TLL1: variants seen among roughly 807,000 people sequenced by gnomAD.
The protein encoded by TLL1 is tolloid-like protein 1.
Under a neutral mutation model 128.2 loss-of-function variants are expected in TLL1, and 49 were observed. The ratio of observed to expected loss-of-function variants is 0.38; its 90% CI spans 0.30 to 0.48. The LOEUF (loss-of-function observed/expected upper bound fraction) is 0.48, where lower values mean the gene tolerates loss of function less well. Ranked by LOEUF, TLL1 falls within the 20% of genes least tolerant of loss-of-function variation. TLL1 has a pLI of 0.96. For synonymous variants in TLL1, 454 were observed against 418.8 expected (o/e 1.08, Z -1.03); for missense variants, 1,123 against 1,242.0 (o/e 0.90, Z 1.44).
chr4:165,946,037 G>C (rs1048982163), intron 1 of TLL1, among the ~76,000 whole-genome samples: 3 of 152,148 alleles, frequency 2.0e-5, no homozygotes, highest in African/African-American at 7.2e-5. Flanking sequence ...AGCCTGAGAA[G>C]ATCTCAACTT....
intron 1 of TLL1, among the ~76,000 whole-genome samples, chr4:165,880,594 A>G (rs1730929725): frequency 6.6e-6 from 1 of 152,184 alleles, no homozygotes; most frequent in Admixed American, 6.5e-5. Context: ...CATTCAACTC[A>G]GTGTTTAAAA....
chr4:165,926,670 G>T (rs1161084242), intron 1 of TLL1, among the ~76,000 whole-genome samples: 1 of 152,118 alleles, frequency 6.6e-6, no homozygotes, highest in Non-Finnish European at 1.5e-5. Flanking sequence ...ATTAGTGCCA[G>T]GTATCGTGTT....
chr4:166,006,648 T>C (rs541608931), intron 6 of TLL1, among the ~76,000 whole-genome samples: 7 of 151,910 alleles, frequency 4.6e-5, no homozygotes, highest in East Asian at 1.9e-4. Context: ...TTGAAGAGTA[T>C]GTTGAATATT....
At chr4:166,033,191 C>A (rs1579650742) in intron 9 of TLL1, among the ~76,000 whole-genome samples, 1 of 152,222 alleles carries the variant, frequency 6.6e-6, no homozygotes, top group Non-Finnish European at 1.5e-5. Context: ...TGTACCTGCG[C>A]TTTTGCCCAG....
intron 9 of TLL1, among the ~76,000 whole-genome samples, chr4:166,032,369 A>C (rs905783154): frequency 1.3e-5 from 2 of 152,110 alleles, no homozygotes; most frequent in Non-Finnish European, 2.9e-5. Flanking sequence ...TCTTAAAAAT[A>C]AAATAGTTGG....
At chr4:166,050,512 C>A (rs1164276518) in intron 12 of TLL1, among the ~76,000 whole-genome samples, 1 of 152,032 alleles carries the variant, frequency 6.6e-6, no homozygotes, top group Non-Finnish European at 1.5e-5. Flanking sequence ...TTTTAGGGAG[C>A]ATGGGATACC....
At chr4:166,057,490 A>G (rs1007026782) in intron 14 of TLL1, among the ~76,000 whole-genome samples, 181 bp downstream of exon 14, 1 of 152,152 alleles carries the variant, frequency 6.6e-6, no homozygotes, top group Non-Finnish European at 1.5e-5. Context: ...TTGTTATAGA[A>G]TGGGTCCTTT....
intron 6 of TLL1, among the ~76,000 whole-genome samples, chr4:166,005,334 T>G (rs563713014): frequency 1.3e-5 from 2 of 152,012 alleles, no homozygotes; most frequent in East Asian, 3.9e-4. Flanking sequence ...AAAATTGACA[T>G]AGATTTCACT....
chr4:166,000,306 G>A (rs933602060), intron 5 of TLL1, among the ~76,000 whole-genome samples: 1 of 152,110 alleles, frequency 6.6e-6, no homozygotes, highest in South Asian at 2.1e-4. Context: ...CATATATGTA[G>A]TTATTTTCTT....
rs1740949784 is a variant in TLL1, at chr4:166,074,880, A to G, written c.2191A>G (p.Lys731Glu). The G allele has an allele frequency of 6.2e-7, 1 of 1,613,396 alleles. No homozygotes were observed. The highest frequency in any genetic ancestry group is 8.5e-7 in the Non-Finnish European group (1 of 1,179,488). The part of the protein sequence containing the change: ...KGFKAHFFSD[K>E]DECSKDNGGC... ...TATGGGATTGATCTCTTTGCTAGAC[A>G]AAGATGAATGCTCTAAGGATAATGG... Residue 731 changes from lysine to glutamate, a missense_variant and splice_region_variant, in exon 17 of 21, where the codon AAA (lysine) becomes GAA (glutamate). Physicochemically the swap from Lys to Glu is moderately conservative, Grantham distance 56. Coordinates refer to ENST00000061240, the MANE Select transcript of TLL1 (RefSeq NM_012464.5).
chr4:165,894,875 GTGTT>G (rs1731599794), intron 1 of TLL1, among the ~76,000 whole-genome samples: 2 of 149,792 alleles, frequency 1.3e-5, no homozygotes, highest in Middle Eastern at 3.4e-3. Context: ...GTGTGTGTGT[GTGTT>G]ATGTGTGTGA....
At chr4:166,078,930 A>T (rs1303132860) in intron 18 of TLL1, among the ~76,000 whole-genome samples, 1 of 152,146 alleles carries the variant, frequency 6.6e-6, no homozygotes, top group Non-Finnish European at 1.5e-5. Context: ...TCTTCCCTTC[A>T]GTGAATATTA....
intron 1 of TLL1, among the ~76,000 whole-genome samples, chr4:165,917,907 A>G (rs1732859012): frequency 6.6e-6 from 1 of 152,190 alleles, no homozygotes. Context: ...CGAATTAGTA[A>G]CTAATTAAAT....
chr4:165,929,844 G>A (rs1733436073), intron 1 of TLL1, among the ~76,000 whole-genome samples: 1 of 152,154 alleles, frequency 6.6e-6, no homozygotes, highest in Admixed American at 6.5e-5. Flanking sequence ...AATGTCTGCA[G>A]ACTATGTGAG....
intron 1 of TLL1, among the ~76,000 whole-genome samples, chr4:165,971,732 T>A (rs971298859): frequency 6.6e-6 from 1 of 152,154 alleles, no homozygotes; most frequent in Admixed American, 6.5e-5. Context: ...TAAAATTTTT[T>A]AAAAATTTTA....
chr4:166,088,732 C>G (rs1741629311), intron 18 of TLL1, among the ~76,000 whole-genome samples: 1 of 152,086 alleles, frequency 6.6e-6, no homozygotes, highest in African/African-American at 2.4e-5. Context: ...TCTGATTCCA[C>G]CAGTAATTTG....
chr4:166,020,983 C>T (rs1738201933), intron 8 of TLL1, among the ~76,000 whole-genome samples: 1 of 152,104 alleles, frequency 6.6e-6, no homozygotes, highest in African/African-American at 2.4e-5. Context: ...TCTATGGATG[C>T]ACATTTATGT....
At chr4:165,891,304 C>A (rs1206465748) in intron 1 of TLL1, among the ~76,000 whole-genome samples, 2 of 133,222 alleles carry the variant, frequency 1.5e-5, no homozygotes. Flanking sequence ...ATGCAAATTT[C>A]TTCAGCTGGA....
At chr4:165,933,325 T>C (rs145288902) in intron 1 of TLL1, among the ~76,000 whole-genome samples, 1 of 151,962 alleles carries the variant, frequency 6.6e-6, no homozygotes, top group East Asian at 1.9e-4. Flanking sequence ...CAGATCTGAG[T>C]GTTGTTCCCC....
Sources: gnomAD v4.1 joint callset for allele counts (sites outside exome capture counted in the v4.1 genomes callset) on GRCh38, gnomAD v4.1.1 for gene constraint, MANE v1.5 for transcripts, NCBI Gene and HGNC (gene_info 2026-07-23, HGNC 2026-07-21) for gene names.